SH3BGRL2: variants seen among roughly 807,000 people sequenced by gnomAD.
The protein encoded by SH3BGRL2 is SH3 domain-binding glutamic acid-rich-like protein 2.
In SH3BGRL2, 21 loss-of-function variants were observed where a neutral mutation model predicts 14.8. The ratio of observed to expected loss-of-function variants is 1.42; its 90% confidence interval spans 1.01 to 2.05. The LOEUF is 2.05. Among genes scored for constraint, SH3BGRL2 ranks in the 30% most tolerant of loss-of-function variants. The probability of loss-of-function intolerance (pLI) is 0.00; values close to 1 mark genes in which losing one functional copy is unlikely to be tolerated. For synonymous variants in SH3BGRL2, 50 were observed against 47.8 expected (o/e 1.05, Z -0.19); for missense variants, 147 against 130.8 (o/e 1.12, Z -0.61).
the SH3BGRL2 span, among the ~76,000 whole-genome samples, chr6:79,555,758 T>G: frequency 3.3e-5 from 5 of 152,170 alleles, no homozygotes; most frequent in East Asian, 9.7e-4. Flanking sequence ...TCTGCCCGCC[T>G]TGGCGTCCCA....
chr6:79,693,128 G>A (rs530809361), intron 2 of SH3BGRL2, among the ~76,000 whole-genome samples: 196 of 152,186 alleles, frequency 1.3e-3, no homozygotes, highest in African/African-American at 4.3e-3. Context: ...AATTGTGAAT[G>A]GGAGTTCACT....
chr6:79,584,446 G>A, the SH3BGRL2 span, among the ~76,000 whole-genome samples: 1,299 of 152,296 alleles, frequency 8.5e-3, 25 homozygotes, highest in African/African-American at 0.029. Flanking sequence ...CCACGTGAAT[G>A]CAACACTGTA....
In SH3BGRL2 at chr6:79,699,752, G is replaced by A; in HGVS notation, c.*243G>A. ...TTGCCTGCAGTTGCCTCACTCACCT[G>A]GAAATACCGTCACCTGTTACAGGTG... is the stretch of plus-strand genomic sequence containing the variant. On this transcript the variant is annotated 3_prime_UTR_variant, in exon 4 of 4. Transcript: ENST00000369838. 2.2e-6 allele frequency: 1 copy of A among 451,070 alleles called. No homozygotes were observed. Among genetic ancestry groups the A allele is most frequent in the South Asian group, 7.4e-5 (1 of 13,596 alleles). 27.9% of individuals were successfully genotyped at this position (451,070 alleles called of 1,614,324 possible). A position where few individuals can be genotyped will look rare whatever the true frequency, so the allele number is the denominator to read the frequency against.
At chr6:79,577,814 G>T in the SH3BGRL2 span, among the ~76,000 whole-genome samples, 2 of 152,204 alleles carry the variant, frequency 1.3e-5, no homozygotes, top group East Asian at 3.9e-4. Flanking sequence ...GAAGCAGGGC[G>T]GGGCATCACC....
chr6:79,631,337 G>T lies in SH3BGRL2; in HGVS notation c.-125G>T. 1 of 856,168 alleles carries T rather than the reference G, an allele frequency of 1.2e-6. No homozygotes were observed. Among genetic ancestry groups the T allele is most frequent in the South Asian group, 2.8e-5 (1 of 35,942 alleles). 53.0% of individuals were successfully genotyped at this position (856,168 alleles called of 1,614,324 possible). ...CCCGCCGGGAGGGAGCCAGATCCCA[G>T]CGATCTTCCCCGACGGCAGCGCTTT... On this transcript the variant is annotated 5_prime_UTR_variant, in exon 1 of 4. Coordinates refer to ENST00000369838, the MANE Select transcript of SH3BGRL2 (RefSeq NM_031469.4).
At chr6:79,602,220 G>A in the SH3BGRL2 span, among the ~76,000 whole-genome samples, 1 of 152,152 alleles carries the variant, frequency 6.6e-6, no homozygotes, top group East Asian at 1.9e-4. Context: ...AACGGTCTGT[G>A]CCCTCATAGA....
intron 1 of SH3BGRL2, among the ~76,000 whole-genome samples, chr6:79,655,375 A>C (rs544372455): frequency 6.6e-6 from 1 of 151,276 alleles, no homozygotes; most frequent in South Asian, 2.1e-4. Context: ...CTTAAGCTTA[A>C]GCATTACTTG....
the SH3BGRL2 span, among the ~76,000 whole-genome samples, chr6:79,546,365 A>C: frequency 6.6e-6 from 1 of 152,280 alleles, no homozygotes; most frequent in South Asian, 2.1e-4. Flanking sequence ...CTACTGCCCA[A>C]AGCTGAGAAC....
the SH3BGRL2 span, among the ~76,000 whole-genome samples, chr6:79,623,835 A>G: frequency 6.6e-6 from 1 of 152,218 alleles, no homozygotes; most frequent in Admixed American, 6.5e-5. Flanking sequence ...AATAAAAATA[A>G]TTGCTACATA....
chr6:79,575,189 T>A, the SH3BGRL2 span: 18 of 152,316 alleles, frequency 1.2e-4, no homozygotes, highest in African/African-American at 3.1e-4. Flanking sequence ...GTTCTTTTTT[T>A]AAAAAACTAT....
chr6:79,702,326 T>C lies in SH3BGRL2; in HGVS notation c.*2817T>C, dbSNP rs1344167593. On this transcript the variant is annotated 3_prime_UTR_variant, in exon 4 of 4. Coordinates refer to ENST00000369838, the MANE Select transcript of SH3BGRL2 (RefSeq NM_031469.4). The stretch of plus-strand genomic sequence containing the variant: ...CTTTCTGTTGTGTTTGATTTTACTA[T>C]AGGGGTTTTGCTTTTTCTAGAGATA... 2 of 152,642 alleles carry C rather than the reference T, an allele frequency of 1.3e-5. No individual in the cohort carries two copies. The highest frequency in any genetic ancestry group is 2.4e-5 in the African/African-American group (1 of 41,456). The allele number at this position is 152,642 out of a possible 1,614,324, so 9.5% of individuals were successfully genotyped here.
intron 1 of SH3BGRL2, among the ~76,000 whole-genome samples, chr6:79,661,741 T>C (rs1247391895): frequency 6.6e-6 from 1 of 152,180 alleles, no homozygotes; most frequent in Non-Finnish European, 1.5e-5. Flanking sequence ...TGTTAAAGTC[T>C]CCCATTATTA....
At chr6:79,588,200 G>A in the SH3BGRL2 span, among the ~76,000 whole-genome samples, 2 of 151,392 alleles carry the variant, frequency 1.3e-5, no homozygotes, top group East Asian at 2.0e-4. Context: ...GGCTGAGGCA[G>A]GAGAATCACT....
chr6:79,607,871 A>G, the SH3BGRL2 span, among the ~76,000 whole-genome samples: 8 of 152,038 alleles, frequency 5.3e-5, no homozygotes, highest in Non-Finnish European at 1.2e-4. Flanking sequence ...CTTGAACCCC[A>G]AGAGACAGAG....
Position 79,699,639 on chromosome 6 carries a change from A to G in SH3BGRL2, c.*130A>G, listed in dbSNP as rs564707665. On this transcript the variant is annotated 3_prime_UTR_variant, in exon 4 of 4. Transcript: ENST00000369838. The stretch of plus-strand genomic sequence containing the variant: ...TCAGTAACTTTGCTTGCCACGGAAA[A>G]GGTGTTTTTGAAAGATGTGGCTATA... 1.2e-4 allele frequency: 150 copies of G among 1,268,684 alleles called. 1 individual carries two copies. The African/African-American group carries it at 1.9e-3, about 16-fold the overall frequency. 78.6% of individuals were successfully genotyped at this position (1,268,684 alleles called of 1,614,324 possible). A position where few individuals can be genotyped will look rare whatever the true frequency, so the allele number is the denominator to read the frequency against.
chr6:79,538,901 A>G, the SH3BGRL2 span, among the ~76,000 whole-genome samples: 1 of 152,246 alleles, frequency 6.6e-6, no homozygotes, highest in Non-Finnish European at 1.5e-5. Context: ...TAAAGTATCT[A>G]CCACAAGGTA....
the SH3BGRL2 span, among the ~76,000 whole-genome samples, chr6:79,549,057 T>C: frequency 3.3e-5 from 5 of 152,216 alleles, no homozygotes; most frequent in African/African-American, 1.2e-4. Context: ...AATGGTAAAC[T>C]GAACAGTTTC....
At chr6:79,553,682 A>G in the SH3BGRL2 span, among the ~76,000 whole-genome samples, 3 of 152,092 alleles carry the variant, frequency 2.0e-5, no homozygotes, top group Non-Finnish European at 2.9e-5. Flanking sequence ...AGGAAATTAT[A>G]TGGTCTGGGC....
At chr6:79,635,536 G>A (rs917500572) in intron 1 of SH3BGRL2, among the ~76,000 whole-genome samples, 6 of 152,232 alleles carry the variant, frequency 3.9e-5, no homozygotes, top group Non-Finnish European at 7.3e-5. Context: ...CATGTACTCT[G>A]CCCTCATGGC....
Sources: gnomAD v4.1 joint callset for allele counts (sites outside exome capture counted in the v4.1 genomes callset) on GRCh38, gnomAD v4.1.1 for gene constraint, MANE v1.5 for transcripts, NCBI Gene and HGNC (gene_info 2026-07-23, HGNC 2026-07-21) for gene names.